ZRANB1: variants seen among roughly 807,000 people sequenced by gnomAD.
ZRANB1 encodes the protein zinc finger RANBP2-type containing 1, also known as ubiquitin thioesterase ZRANB1.
ZRANB1 carries 16 observed loss-of-function variants against 80.5 expected under a neutral mutation model. That is an observed-to-expected ratio of 0.20 (90% CI 0.13 to 0.30). The LOEUF is 0.30. Ranked by LOEUF, ZRANB1 falls within the 10% of genes least tolerant of loss-of-function variation. ZRANB1 has a pLI of 1.00. For synonymous variants in ZRANB1, 291 were observed against 293.1 expected, an observed-to-expected ratio of 0.99 and a Z score of 0.07; for missense variants, 576 against 862.6, an observed-to-expected ratio of 0.67 and a Z score of 4.16.
At chr10:124,944,618 G>C (rs1951564915) in intron 1 of ZRANB1, among the ~76,000 whole-genome samples, 1 of 151,354 alleles carries the variant, frequency 6.6e-6, no homozygotes, top group Admixed American at 6.6e-5. Flanking sequence ...CCCAGTAGCT[G>C]GGACTCCCCA....
At chr10:124,917,522 C>T in the ZRANB1 span, among the ~76,000 whole-genome samples, 1 of 152,014 alleles carries the variant, frequency 6.6e-6, no homozygotes, top group Non-Finnish European at 1.5e-5. Context: ...GACCGCCGGC[C>T]GCCCGTGGCT....
chr10:124,962,919 A>G (rs554021053), intron 1 of ZRANB1, among the ~76,000 whole-genome samples: 3 of 152,310 alleles, frequency 2.0e-5, no homozygotes. Flanking sequence ...TGAAGGAGAA[A>G]GGGACAGAAG....
chr10:124,946,436 GA>G (rs1951584586), intron 1 of ZRANB1: 1 of 141,882 alleles, frequency 7.0e-6, no homozygotes, highest in Non-Finnish European at 1.5e-5. Context: ...AAAAAAAAAA[GA>G]AAAGAAAAGT....
chr10:124,960,533 G>T (rs1414172594), intron 1 of ZRANB1, among the ~76,000 whole-genome samples: 2 of 152,080 alleles, frequency 1.3e-5, no homozygotes, highest in African/African-American at 4.8e-5. Flanking sequence ...CTGGGCTCAG[G>T]TGATCCTCAC....
At chr10:124,917,738 C>T in the ZRANB1 span, among the ~76,000 whole-genome samples, 4 of 152,174 alleles carry the variant, frequency 2.6e-5, no homozygotes, top group Non-Finnish European at 4.4e-5. Flanking sequence ...CTGCGGTGGC[C>T]TCCAGTTGCC....
intron 6 of ZRANB1, 46 bp downstream of exon 6, chr10:124,981,875 T>C (rs767236390): frequency 6.2e-7 from 1 of 1,609,680 alleles, no homozygotes; most frequent in Non-Finnish European, 8.5e-7. Flanking sequence ...AAAGTAAGCA[T>C]GTAGTCTAAA....
intron 2 of ZRANB1, 142 bp downstream of exon 2, chr10:124,966,923 C>A: frequency 1.4e-6 from 1 of 726,386 alleles, no homozygotes; most frequent in Non-Finnish European, 2.2e-6. Context: ...TAACATTAAA[C>A]TTAAGAGACT....
chr10:124,919,055 C>G, the ZRANB1 span, among the ~76,000 whole-genome samples: 1 of 152,138 alleles, frequency 6.6e-6, no homozygotes, highest in Non-Finnish European at 1.5e-5. Flanking sequence ...ATATTTTAAG[C>G]TCATGGCCTT....
At chr10:124,920,220 C>A in the ZRANB1 span, among the ~76,000 whole-genome samples, 1,087 of 152,308 alleles carry the variant, frequency 7.1e-3, 17 homozygotes, top group African/African-American at 0.025. Flanking sequence ...CCACCGCACT[C>A]GGCCGGATTT....
the ZRANB1 span, among the ~76,000 whole-genome samples, chr10:124,925,651 A>G: frequency 6.6e-6 from 1 of 152,156 alleles, no homozygotes; most frequent in Non-Finnish European, 1.5e-5. Context: ...CAGGGTCATG[A>G]CAATTTATGT....
chr10:124,978,676 A>C (rs949836554), intron 5 of ZRANB1, among the ~76,000 whole-genome samples: 3 of 151,778 alleles, frequency 2.0e-5, no homozygotes, highest in Non-Finnish European at 2.9e-5. Context: ...CCTGGACTGG[A>C]GTGCAGTGGT....
intron 5 of ZRANB1, among the ~76,000 whole-genome samples, chr10:124,980,062 A>G (rs1235270651): frequency 6.6e-6 from 1 of 152,236 alleles, no homozygotes; most frequent in African/African-American, 2.4e-5. Context: ...ATTTTTGTAA[A>G]AAAGACAGCT....
chr10:124,947,311 T>G (rs1341920593), intron 1 of ZRANB1, among the ~76,000 whole-genome samples: 2 of 152,070 alleles, frequency 1.3e-5, no homozygotes, highest in Non-Finnish European at 2.9e-5. Context: ...GTACATCAGG[T>G]TTTTAGGGCG....
intron 5 of ZRANB1, 61 bp from the exon 6 acceptor site, chr10:124,981,648 C>T: frequency 1.4e-6 from 2 of 1,425,062 alleles, no homozygotes; most frequent in Non-Finnish European, 9.5e-7. Context: ...ATGATCAGAA[C>T]TTTAAATGTT....
chr10:124,954,453 T>G (rs1004811372), intron 1 of ZRANB1, among the ~76,000 whole-genome samples: 51 of 151,218 alleles, frequency 3.4e-4, no homozygotes, highest in South Asian at 4.2e-4. Context: ...AAAGTTTTTT[T>G]TTTTTTTTTT....
chr10:124,949,501 A>T (rs1951616685), intron 1 of ZRANB1, among the ~76,000 whole-genome samples: 1 of 110,752 alleles, frequency 9.0e-6, no homozygotes, highest in African/African-American at 2.8e-5. Context: ...ACGTATACAC[A>T]CACACACACA....
chr10:124,958,223 G>C (rs2134267716), intron 1 of ZRANB1, among the ~76,000 whole-genome samples: 1 of 152,326 alleles, frequency 6.6e-6, no homozygotes, highest in South Asian at 2.1e-4. Context: ...CTTGCGACTA[G>C]CATGTGCAAC....
chr10:124,925,427 A>G, the ZRANB1 span, among the ~76,000 whole-genome samples: 1 of 151,790 alleles, frequency 6.6e-6, no homozygotes, highest in South Asian at 2.1e-4. Context: ...TGTTTTGCCC[A>G]TTTTTCATTT....
chr10:124,969,333 A>C (rs1345148568), intron 2 of ZRANB1, among the ~76,000 whole-genome samples: 1 of 152,174 alleles, frequency 6.6e-6, no homozygotes, highest in Non-Finnish European at 1.5e-5. Flanking sequence ...AAAGAGCAAA[A>C]TTGGTCATGG....
Sources: gnomAD v4.1 joint callset for allele counts (sites outside exome capture counted in the v4.1 genomes callset) on GRCh38, gnomAD v4.1.1 for gene constraint, MANE v1.5 for transcripts, NCBI Gene and HGNC (gene_info 2026-07-23, HGNC 2026-07-21) for gene names.